CTTNBP2NL: variants seen among roughly 807,000 people sequenced by gnomAD.
The protein encoded by CTTNBP2NL is CTTNBP2 N-terminal like.
Under a neutral mutation model 32.5 loss-of-function variants are expected in CTTNBP2NL, and 16 were observed. That is an observed-to-expected ratio of 0.49 (90% CI 0.33 to 0.75). CTTNBP2NL has a LOEUF of 0.75. Among genes scored for constraint, CTTNBP2NL ranks in the 30% least tolerant of loss-of-function variants. The probability of loss-of-function intolerance (pLI) is 0.02; values close to 1 mark genes in which losing one functional copy is unlikely to be tolerated. For synonymous variants in CTTNBP2NL, 298 were observed against 289.4 expected (o/e 1.03, Z -0.30); for missense variants, 645 against 756.0 (o/e 0.85, Z 1.72).
chr1:112,421,536 C>T lies in CTTNBP2NL; in HGVS notation c.99+5272C>T, dbSNP rs568304433. On this transcript the variant is annotated intron_variant, in intron 3 of 5. Transcript: ENST00000271277. ...CAGGCTGGTCTTGAACTCCTGACCTCGTAATCCACCTGCCTCGGCCTCCCA... is the reference window on the plus strand; with the variant it reads ...CAGGCTGGTCTTGAACTCCTGACCTTGTAATCCACCTGCCTCGGCCTCCCA... 2.0e-5 allele frequency among the ~76,000 whole-genome samples: 3 copies of T among 148,904 alleles called. No individual in the cohort carries two copies. The East Asian group carries it at 6.0e-4, about 30-fold the overall frequency.
chr1:112,415,059 C>T (rs182844606), intron 2 of CTTNBP2NL, among the ~76,000 whole-genome samples: 1,717 of 151,892 alleles, frequency 0.011, 15 homozygotes, highest in Non-Finnish European at 0.019. Flanking sequence ...GGCGTGGTGG[C>T]ATGTATCGGT....
intron 3 of CTTNBP2NL, among the ~76,000 whole-genome samples, chr1:112,426,969 C>T (rs180819972): frequency 2.8e-4 from 43 of 152,228 alleles, no homozygotes; most frequent in African/African-American, 9.9e-4. Context: ...TAAACAATAC[C>T]TCTACTGCTT....
chr1:112,419,189 C>T (rs529561640), intron 3 of CTTNBP2NL, among the ~76,000 whole-genome samples: 1 of 152,094 alleles, frequency 6.6e-6, no homozygotes, highest in South Asian at 2.1e-4. Flanking sequence ...GCAAAATCCC[C>T]CAAGCAAGAA....
intron 3 of CTTNBP2NL, among the ~76,000 whole-genome samples, chr1:112,429,139 G>C (rs1223946012): frequency 6.6e-6 from 1 of 152,144 alleles, no homozygotes; most frequent in Non-Finnish European, 1.5e-5. Context: ...TTGTGAAGTT[G>C]ATATTTTACA....
chr1:112,456,272 C>T lies in CTTNBP2NL; in HGVS notation c.780C>T (p.Thr260=), dbSNP rs1650359404. The change falls in exon 6 of 6, where the codon ACC becomes ACT. Residue 260 remains threonine (T), a synonymous_variant. Coordinates refer to ENST00000271277, the MANE Select transcript of CTTNBP2NL (RefSeq NM_018704.3). ...RAKLNREENR[T]KTLKEEMESL... is the part of the protein sequence containing the mutation. ...AACTGAACCGAGAAGAGAACCGGAC[C>T]AAAACCCTGAAAGAAGAAATGGAAA... 6.2e-7 allele frequency: 1 copy of T among 1,613,906 alleles called. No homozygotes were observed. Among genetic ancestry groups the T allele is most frequent in the African/African-American group, 1.3e-5 (1 of 74,878 alleles).
chr1:112,459,748 T>A lies in CTTNBP2NL; in HGVS notation c.*2336T>A, dbSNP rs1650491624. 6.6e-6 allele frequency: 1 copy of A among 152,216 alleles called. No individual in the cohort carries two copies. The allele number at this position is 152,216 out of a possible 1,614,324, so 9.4% of individuals were successfully genotyped here. Reference sequence around the variant, plus strand: ...AGGCTACAGTGCCAGAGAGTTATTGTCTCTTTTGCTTTAAATGGTAATCTT... The same window carrying A: ...AGGCTACAGTGCCAGAGAGTTATTGACTCTTTTGCTTTAAATGGTAATCTT... On this transcript the variant is annotated 3_prime_UTR_variant, in exon 6 of 6. Transcript: ENST00000271277.
At chr1:112,402,090 A>C (rs1456704436) in intron 1 of CTTNBP2NL, among the ~76,000 whole-genome samples, 7 of 152,178 alleles carry the variant, frequency 4.6e-5, no homozygotes, top group Admixed American at 6.5e-5. Flanking sequence ...GCTAGGCTGA[A>C]GCTGAAGTGT....
chr1:112,425,956 CGTGTGTGTGTGTGT>C (rs376135147), intron 3 of CTTNBP2NL, among the ~76,000 whole-genome samples: 51 of 119,764 alleles, frequency 4.3e-4, no homozygotes, highest in African/African-American at 1.4e-3. Flanking sequence ...ATCTGGATGC[CGTGTGTGTGTGTGT>C]GTGTGTGTGT....
intron 4 of CTTNBP2NL, among the ~76,000 whole-genome samples, chr1:112,452,788 C>T (rs1464210620): frequency 1.3e-5 from 2 of 149,840 alleles, no homozygotes; most frequent in African/African-American, 4.9e-5. Flanking sequence ...ACTACATGCA[C>T]ACCTCACCAT....
intron 3 of CTTNBP2NL, among the ~76,000 whole-genome samples, chr1:112,431,982 T>C (rs1057232285): frequency 1.3e-5 from 2 of 150,736 alleles, no homozygotes; most frequent in Non-Finnish European, 3.0e-5. Flanking sequence ...TCTGGAAGGA[T>C]ACCTAACATA....
At chr1:112,430,546 C>CAT (rs1295463918) in intron 3 of CTTNBP2NL, among the ~76,000 whole-genome samples, 1 of 80,508 alleles carries the variant, frequency 1.2e-5, no homozygotes, top group African/African-American at 5.9e-5. Flanking sequence ...CCATAGCTAG[C>CAT]TTTTTTTTTT....
At chr1:112,425,525 A>G (rs1649368356) in intron 3 of CTTNBP2NL, among the ~76,000 whole-genome samples, 1 of 152,096 alleles carries the variant, frequency 6.6e-6, no homozygotes, top group Non-Finnish European at 1.5e-5. Context: ...ATATCCTGCA[A>G]CCATGCTAAT....
intron 3 of CTTNBP2NL, among the ~76,000 whole-genome samples, chr1:112,426,333 G>A (rs1344358412): frequency 6.6e-6 from 1 of 151,996 alleles, no homozygotes; most frequent in Non-Finnish European, 1.5e-5. Context: ...GTAGAGTGAT[G>A]TGGAGTAGCT....
chr1:112,396,340 TA>T (rs1288171732), intron 1 of CTTNBP2NL, 68 bp downstream of exon 1: 2 of 152,254 alleles, frequency 1.3e-5, no homozygotes, highest in African/African-American at 2.4e-5. Flanking sequence ...AAAGCAAGGA[TA>T]GGGGCACCGG....
Position 112,456,257 on chromosome 1 carries a change from A to G in CTTNBP2NL, c.765A>G (p.Arg255=), listed in dbSNP as rs1570748678. Residue 255 remains arginine (R), a synonymous_variant, in exon 6 of 6, where the codon CGA becomes CGG. Coordinates refer to ENST00000271277, the MANE Select transcript of CTTNBP2NL (RefSeq NM_018704.3). ...AACAACTGAGAGCAAAACTGAACCGAGAAGAGAACCGGACCAAAACCCTGA... is the reference window on the plus strand; with the variant it reads ...AACAACTGAGAGCAAAACTGAACCGGGAAGAGAACCGGACCAAAACCCTGA... ...EREQLRAKLN[R]EENRTKTLKE... The G allele has an allele frequency of 6.2e-7, 1 of 1,614,180 alleles. No individual in the cohort carries two copies. The highest frequency in any genetic ancestry group is 8.5e-7 in the Non-Finnish European group (1 of 1,180,042).
At chr1:112,395,386 C>T (rs547011131), upstream of CTTNBP2NL, among the ~76,000 whole-genome samples, 2 of 152,178 alleles carry the variant, frequency 1.3e-5, no homozygotes, top group East Asian at 3.9e-4. Flanking sequence ...CTGCCTAAGA[C>T]TTGCTGCCAC....
rs1342110810 is a variant in CTTNBP2NL, at chr1:112,459,482, G to A, written c.*2070G>A. On this transcript the variant is annotated 3_prime_UTR_variant, in exon 6 of 6. Coordinates refer to ENST00000271277, the MANE Select transcript of CTTNBP2NL (RefSeq NM_018704.3). ...ATCTAATAAGAGTTGATAGTAAAAA[G>A]GCAGGTGATGGAAATCAGTGTATAA... The A allele has an allele frequency of 7.2e-6, 1 of 138,772 alleles. No individual in the cohort carries two copies. Among genetic ancestry groups the A allele is most frequent in the Non-Finnish European group, 1.6e-5 (1 of 61,052 alleles). The allele number at this position is 138,772 out of a possible 1,614,324, so 8.6% of individuals were successfully genotyped here.
rs1279701502 is a variant in CTTNBP2NL, at chr1:112,455,934, G to T, written c.442G>T (p.Glu148Ter). ...KERERLTQQL[E>*]FEKSQVKKFE... Reference sequence around the variant, plus strand: ...TCTCTTTTCTTTTTTTTTCTAGTTGGAATTTGAAAAATCCCAAGTGAAAAA... The same window carrying T: ...TCTCTTTTCTTTTTTTTTCTAGTTGTAATTTGAAAAATCCCAAGTGAAAAA... Residue 148 changes from glutamate (E) to a stop codon, truncating the protein, a stop_gained, in exon 6 of 6, where the codon GAA becomes TAA. Transcript: ENST00000271277. LOFTEE classifies it high-confidence loss of function. 4.4e-6 allele frequency: 7 copies of T among 1,574,720 alleles called. No individual in the cohort carries two copies. In the Admixed American group the frequency reaches 1.0e-4, roughly 23 times the overall value.
intron 1 of CTTNBP2NL, among the ~76,000 whole-genome samples, chr1:112,401,015 C>G (rs2100989804): frequency 6.8e-6 from 1 of 146,796 alleles, no homozygotes; most frequent in Admixed American, 6.8e-5. Context: ...TACACACATA[C>G]ACGTGCACAT....
Sources: allele counts gnomAD v4.1 joint callset (sites outside exome capture counted in the v4.1 genomes callset), GRCh38; gene constraint gnomAD v4.1.1; transcripts MANE v1.5; gene names NCBI Gene and HGNC (gene_info 2026-07-23, HGNC 2026-07-21).